ARHGEF2: variants seen among roughly 807,000 people sequenced by gnomAD.
The protein encoded by ARHGEF2 is Rho/Rac guanine nucleotide exchange factor 2.
A neutral mutation model predicts 121.0 loss-of-function variants in ARHGEF2; 22 were observed. That is an observed-to-expected ratio of 0.18 (90% CI 0.13 to 0.26). The LOEUF is 0.26. ARHGEF2 is among the 10% of genes least tolerant of loss of function. ARHGEF2 has a pLI of 1.00. For missense variants in ARHGEF2, 907 were observed against 1,336.0 expected, an observed-to-expected ratio of 0.68 and a Z score of 5.01; for synonymous variants, 487 against 530.0, an observed-to-expected ratio of 0.92 and a Z score of 1.11.
intron 1 of ARHGEF2, chr1:155,970,150 T>C: frequency 1.0e-6 from 1 of 985,448 alleles, no homozygotes; most frequent in Middle Eastern, 5.2e-4. Context: ...TATTGCTCCT[T>C]ACCCAACTGG....
chr1:155,960,380 G>A (rs1314800579), intron 11 of ARHGEF2, among the ~76,000 whole-genome samples: 1 of 151,692 alleles, frequency 6.6e-6, no homozygotes, highest in Admixed American at 6.6e-5. Flanking sequence ...AAGGCAGAAG[G>A]ATCACTTGAG....
In ARHGEF2 at chr1:155,965,302, C is replaced by T; in HGVS notation, c.580+1G>A. The stretch of plus-strand genomic sequence containing the variant: ...GCTCCCCTGGGCCCAGGCCTGCTCA[C>T]CTTCGTCAATGAGGGATTCCACGGA... On this transcript the variant is annotated splice_donor_variant, in intron 6 of 21. Transcript: ENST00000361247. LOFTEE classifies it high-confidence loss of function. This position sits in a 1 kb window ranked among gnomAD's most constrained non-coding sequence, Gnocchi z 6.0. The T allele has an allele frequency of 6.2e-7, 1 of 1,614,068 alleles. No individual in the cohort carries two copies. Among genetic ancestry groups the T allele is most frequent in the Non-Finnish European group, 8.5e-7 (1 of 1,179,918 alleles).
Position 155,965,436 on chromosome 1 carries a change from C to T in ARHGEF2, c.471-24G>A, listed in dbSNP as rs540944822. 5 of 1,609,266 alleles carry T rather than the reference C, an allele frequency of 3.1e-6. No individual in the cohort carries two copies. Among genetic ancestry groups the T allele is most frequent in the African/African-American group, 2.7e-5 (2 of 74,950 alleles). ...GTCTGAAGAAAGTGGAGGCTGTCTGCATCACCCCCAGTCGGGCAAAAGATC... is the reference window on the plus strand; with the variant it reads ...GTCTGAAGAAAGTGGAGGCTGTCTGTATCACCCCCAGTCGGGCAAAAGATC... On this transcript the variant is annotated intron_variant, in intron 5 of 21. Transcript: ENST00000361247. The surrounding 1 kb of genome is among the most constrained non-coding windows in gnomAD (Gnocchi z 6.0).
At position 155,964,763 on chromosome 1, in the gene ARHGEF2, T is replaced by G. The variant is rs1375559557; in HGVS notation, c.724+225A>C. On this transcript the variant is annotated intron_variant, in intron 7 of 21. Coordinates refer to ENST00000361247, the MANE Select transcript of ARHGEF2 (RefSeq NM_001162383.2). ...GGTGAAACCCCGTCTCTACTAAAAATGCAAAACTTAGCCAGCATGGTGGCA... is the reference window on the plus strand; with the variant it reads ...GGTGAAACCCCGTCTCTACTAAAAAGGCAAAACTTAGCCAGCATGGTGGCA... 2.6e-5 allele frequency among the ~76,000 whole-genome samples: 4 copies of G among 151,574 alleles called. 1 individual carries two copies. The South Asian group carries it at 8.3e-4, about 32-fold the overall frequency.
chr1:155,952,253 G>A lies in ARHGEF2; in HGVS notation c.1985-18C>T. 1 of 1,613,684 alleles carries A rather than the reference G, an allele frequency of 6.2e-7. No individual in the cohort carries two copies. The highest frequency in any genetic ancestry group is 8.5e-7 in the Non-Finnish European group (1 of 1,179,988). The stretch of plus-strand genomic sequence containing the variant: ...ACCCTCCACTGTGGGGAAAGAGGAA[G>A]AGGTGAGAACAGGAATGACACAGGA... On this transcript the variant is annotated intron_variant, in intron 15 of 21. Transcript: ENST00000361247.
chr1:155,951,930 A>G lies in ARHGEF2; in HGVS notation c.2161T>C (p.Ser721Pro). The G allele has an allele frequency of 6.2e-7, 1 of 1,614,088 alleles. No homozygotes were observed. Among genetic ancestry groups the G allele is most frequent in the South Asian group, 1.1e-5 (1 of 91,080 alleles). ...SIELCRADSD[S>P]SQRDRNGNQL... Reference sequence around the variant, plus strand: ...TCTTGAGGACCTACCCTCTGGCTAGAGTCTGAGTCAGCTCTGCAGAGTTCA... The same window carrying G: ...TCTTGAGGACCTACCCTCTGGCTAGGGTCTGAGTCAGCTCTGCAGAGTTCA... The change falls in exon 17 of 22, where the codon TCT becomes CCT. Residue 721 changes from serine (S) to proline (P), a missense_variant. This residue lies in a region of ARHGEF2 where 432 missense variants were observed against 559.5 expected (regional missense o/e 0.77). Coordinates refer to ENST00000361247, the MANE Select transcript of ARHGEF2 (RefSeq NM_001162383.2). This position sits in a 1 kb window ranked among gnomAD's most constrained non-coding sequence, Gnocchi z 5.1.
At chr1:155,970,128 G>C (rs950569176) in intron 1 of ARHGEF2, 1 of 985,256 alleles carries the variant, frequency 1.0e-6, no homozygotes, top group South Asian at 4.7e-5. Context: ...TAAAACCTAG[G>C]AGAGTTTCCT....
rs756673531 is a variant in ARHGEF2, at chr1:155,965,454, A to C, written c.471-42T>G. 101 of 1,604,144 alleles carry C rather than the reference A, an allele frequency of 6.3e-5. No individual in the cohort carries two copies. Among genetic ancestry groups the C allele is most frequent in the Non-Finnish European group, 9.4e-6 (11 of 1,171,312 alleles). ...CTGTCTGCATCACCCCCAGTCGGGCAAAAGATCCCTTCCCAGGTAGGGAAC... is the reference window on the plus strand; with the variant it reads ...CTGTCTGCATCACCCCCAGTCGGGCCAAAGATCCCTTCCCAGGTAGGGAAC... On this transcript the variant is annotated intron_variant, in intron 5 of 21. Coordinates refer to ENST00000361247, the MANE Select transcript of ARHGEF2 (RefSeq NM_001162383.2). This position sits in a 1 kb window ranked among gnomAD's most constrained non-coding sequence, Gnocchi z 6.0.
chr1:155,969,864 C>T (rs1680137616), intron 1 of ARHGEF2: 2 of 985,672 alleles, frequency 2.0e-6, no homozygotes, highest in Non-Finnish European at 2.4e-6. Flanking sequence ...GCCTCCCCTG[C>T]CACCCCCAAC....
chr1:155,965,206 C>G lies in ARHGEF2; in HGVS notation c.581-75G>C. On this transcript the variant is annotated intron_variant, in intron 6 of 21. Coordinates refer to ENST00000361247, the MANE Select transcript of ARHGEF2 (RefSeq NM_001162383.2). This position sits in a 1 kb window ranked among gnomAD's most constrained non-coding sequence, Gnocchi z 6.0. ...GGGTCCCTGGCCCTTCTCTAGATCC[C>G]TTCCCTCCTTGTCCTTCCAGGCTAC... 1 of 1,608,038 alleles carries G rather than the reference C, an allele frequency of 6.2e-7. No individual in the cohort carries two copies.
At chr1:155,973,712 C>T (rs1446175594) in intron 1 of ARHGEF2, among the ~76,000 whole-genome samples, 2 of 151,104 alleles carry the variant, frequency 1.3e-5, no homozygotes, top group Admixed American at 1.3e-4. Flanking sequence ...TGCCACTGCA[C>T]TCCAGCCTGG....
In ARHGEF2 at chr1:155,965,384, G is replaced by A. The variant is rs923039857; in HGVS notation, c.499C>T (p.Leu167=). 1 of 1,614,170 alleles carries A rather than the reference G, an allele frequency of 6.2e-7. No individual in the cohort carries two copies. Among genetic ancestry groups the A allele is most frequent in the South Asian group, 1.1e-5 (1 of 91,088 alleles). ...GTGGACTGTGAGAGGATCCGGCGCA[G>A]CCCCAGGGGAGACTCATCATTGAAA... ...GHFNDESPLG[L]RRILSQSTDS... The change falls in exon 6 of 22, where the codon CTG becomes TTG. Residue 167 remains leucine (L), a synonymous_variant. Transcript: ENST00000361247. The surrounding 1 kb of genome is among the most constrained non-coding windows in gnomAD (Gnocchi z 6.0).
chr1:155,962,440 G>A lies in ARHGEF2; in HGVS notation c.1101+153C>T. 1 of 1,205,058 alleles carries A rather than the reference G, an allele frequency of 8.3e-7. No individual in the cohort carries two copies. Among genetic ancestry groups the A allele is most frequent in the East Asian group, 2.3e-5 (1 of 42,644 alleles). 74.6% of individuals were successfully genotyped at this position (1,205,058 alleles called of 1,614,324 possible). Reference sequence around the variant, plus strand: ...CTACCACAACGTGCTCTAGCATTCTGAGGGGTTACTGCTGACAGGATCTGT... The same window carrying A: ...CTACCACAACGTGCTCTAGCATTCTAAGGGGTTACTGCTGACAGGATCTGT... On this transcript the variant is annotated intron_variant, in intron 9 of 21. Transcript: ENST00000361247. The surrounding 1 kb of genome is among the most constrained non-coding windows in gnomAD (Gnocchi z 5.8).
rs143884824 is a variant in ARHGEF2 at position 155,977,210 on chromosome 1, T to G, written c.63+1155A>C. ...CCAACTCTGGGCTGGGACCTGTCCT[T>G]TCTGATAATGGGTACAGTGCGGGGG... On this transcript the variant is annotated intron_variant, in intron 1 of 21. Transcript: ENST00000361247. Among the ~76,000 whole-genome samples, 28 of 152,172 alleles carry G rather than the reference T, an allele frequency of 1.8e-4. No individual in the cohort carries two copies. In the East Asian group the frequency reaches 5.0e-3, roughly 27 times the overall value.
chr1:155,965,451 G>T lies in ARHGEF2; in HGVS notation c.471-39C>A. On this transcript the variant is annotated intron_variant, in intron 5 of 21. Transcript: ENST00000361247. The surrounding 1 kb of genome is among the most constrained non-coding windows in gnomAD (Gnocchi z 6.0). Reference sequence around the variant, plus strand: ...AGGCTGTCTGCATCACCCCCAGTCGGGCAAAAGATCCCTTCCCAGGTAGGG... The same window carrying T: ...AGGCTGTCTGCATCACCCCCAGTCGTGCAAAAGATCCCTTCCCAGGTAGGG... 1 of 1,605,780 alleles carries T rather than the reference G, an allele frequency of 6.2e-7. No individual in the cohort carries two copies. The highest frequency in any genetic ancestry group is 1.1e-5 in the South Asian group (1 of 90,866).
Position 155,958,272 on chromosome 1 carries a change from A to G in ARHGEF2, c.1545+48T>C, listed in dbSNP as rs1677099665. The stretch of plus-strand genomic sequence containing the variant: ...GGCTTGGGCAGGAAAGCAAGAAGAG[A>G]CTAAAACACTTGTCTGTGCTGAGAA... On this transcript the variant is annotated intron_variant, in intron 12 of 21. Transcript: ENST00000361247. The G allele has an allele frequency of 2.6e-6, 4 of 1,527,580 alleles. No individual in the cohort carries two copies. The African/African-American group carries it at 5.5e-5, about 21-fold the overall frequency. 94.6% of individuals were successfully genotyped at this position (1,527,580 alleles called of 1,614,324 possible). A position where few individuals can be genotyped will look rare whatever the true frequency, so the allele number is the denominator to read the frequency against.
chr1:155,968,520 A>G (rs996604220), intron 2 of ARHGEF2: 7 of 152,360 alleles, frequency 4.6e-5, no homozygotes, highest in African/African-American at 1.7e-4. Flanking sequence ...TAAAGACAGG[A>G]CTACACTCAG....
At chr1:155,974,553 G>A (rs918283665) in intron 1 of ARHGEF2, among the ~76,000 whole-genome samples, 4 of 152,198 alleles carry the variant, frequency 2.6e-5, no homozygotes, top group Non-Finnish European at 4.4e-5. Context: ...AGCTTCCAGG[G>A]ACAAGATGAA....
chr1:155,971,136 A>T (rs1680375397), intron 1 of ARHGEF2: 1 of 984,032 alleles, frequency 1.0e-6, no homozygotes, highest in South Asian at 4.7e-5. Flanking sequence ...TTATTCAGGA[A>T]GCTGAGCTGC....
Sources: allele counts gnomAD v4.1 joint callset (sites outside exome capture counted in the v4.1 genomes callset), GRCh38; gene constraint gnomAD v4.1.1; regional missense constraint gnomAD v4.1.1; non-coding constraint Gnocchi (gnomAD v3.1); transcripts MANE v1.5; gene names NCBI Gene and HGNC (gene_info 2026-07-23, HGNC 2026-07-21).